USH2A: variants seen among roughly 807,000 people sequenced by gnomAD.
USH2A encodes Usher syndrome 2A (autosomal recessive, mild).
A neutral mutation model predicts 538.9 loss-of-function variants in USH2A; 443 were observed. The observed-to-expected ratio is 0.82, with a 90% confidence interval of 0.76 to 0.89. USH2A has a LOEUF of 0.89. USH2A is among the 40% of genes least tolerant of loss of function. USH2A has a pLI of 0.00. For missense variants in USH2A, 6,633 were observed against 6,324.8 expected, an observed-to-expected ratio of 1.05 and a Z score of -1.65; for synonymous variants, 2,413 against 2,273.5, an observed-to-expected ratio of 1.06 and a Z score of -1.75.
intron 38 of USH2A, among the ~76,000 whole-genome samples, chr1:215,928,622 C>G (rs926550120): frequency 6.6e-6 from 1 of 152,026 alleles, no homozygotes; most frequent in African/African-American, 2.4e-5. Flanking sequence ...CAGTTTGAGG[C>G]AAGCAAAGGT....
At chr1:215,813,031 G>A (rs1304988374) in intron 49 of USH2A, among the ~76,000 whole-genome samples, 3 of 152,170 alleles carry the variant, frequency 2.0e-5, no homozygotes, top group Non-Finnish European at 4.4e-5. Flanking sequence ...CTGGAGTTGT[G>A]AAGATTCTAT....
At chr1:216,368,456 G>A (rs1366498063) in intron 3 of USH2A, among the ~76,000 whole-genome samples, 1 of 152,120 alleles carries the variant, frequency 6.6e-6, no homozygotes, top group Non-Finnish European at 1.5e-5. Context: ...ACTCAGGCTG[G>A]GAAATAGAGA....
At chr1:215,948,443 T>TATGTAC (rs749886577) in intron 37 of USH2A, among the ~76,000 whole-genome samples, 1 of 147,172 alleles carries the variant, frequency 6.8e-6, no homozygotes, top group Non-Finnish European at 1.5e-5. Flanking sequence ...TATATATATA[T>TATGTAC]ACACACACAC....
intron 47 of USH2A, among the ~76,000 whole-genome samples, chr1:215,824,172 G>A (rs1161373903): frequency 6.6e-6 from 1 of 151,990 alleles, no homozygotes; most frequent in Non-Finnish European, 1.5e-5. Context: ...TTATTAAACA[G>A]CAACTTTAGT....
chr1:216,295,834 G>T (rs2037092466), intron 9 of USH2A, among the ~76,000 whole-genome samples: 1 of 151,714 alleles, frequency 6.6e-6, no homozygotes, highest in African/African-American at 2.4e-5. Flanking sequence ...TTTCATATTG[G>T]GACAACAAAG....
At chr1:215,695,769 T>TTTG (rs1658787709) in intron 61 of USH2A, among the ~76,000 whole-genome samples, 3 of 148,496 alleles carry the variant, frequency 2.0e-5, no homozygotes, top group East Asian at 2.0e-4. Context: ...TTGTTTGTTT[T>TTTG]TTGAGACAGA....
At chr1:215,845,051 T>C (rs957572307) in intron 45 of USH2A, among the ~76,000 whole-genome samples, 1 of 152,206 alleles carries the variant, frequency 6.6e-6, no homozygotes, top group Admixed American at 6.5e-5. Flanking sequence ...GAAAAAAATC[T>C]TGCTTAGCGT....
chr1:215,797,008 C>T (rs768731638), intron 50 of USH2A, among the ~76,000 whole-genome samples: 1 of 152,114 alleles, frequency 6.6e-6, no homozygotes, highest in South Asian at 2.1e-4. Flanking sequence ...GGCCTTCAAC[C>T]GTGGTCCAGG....
chr1:216,077,725 TTATA>T (rs1236139508), intron 27 of USH2A, among the ~76,000 whole-genome samples: 1 of 149,730 alleles, frequency 6.7e-6, no homozygotes, highest in Non-Finnish European at 1.5e-5. Context: ...GTTACCTTAT[TTATA>T]ATCAACATAT....
intron 21 of USH2A, among the ~76,000 whole-genome samples, chr1:216,129,915 C>A (rs536082243): frequency 3.9e-4 from 59 of 152,106 alleles, no homozygotes; most frequent in African/African-American, 1.4e-3. Context: ...ATATTTACAG[C>A]CAATGCAGTT....
chr1:215,962,901 T>C (rs1667237745), intron 37 of USH2A, among the ~76,000 whole-genome samples: 1 of 152,142 alleles, frequency 6.6e-6, no homozygotes, highest in African/African-American at 2.4e-5. Context: ...TTGTAAAGTT[T>C]TTAGTTCAGG....
chr1:215,955,069 AT>A (rs1463176921), intron 37 of USH2A, among the ~76,000 whole-genome samples: 1 of 152,174 alleles, frequency 6.6e-6, no homozygotes, highest in East Asian at 1.9e-4. Context: ...GCTTCTTATT[AT>A]GAAAATCTTA....
intron 47 of USH2A, among the ~76,000 whole-genome samples, chr1:215,830,754 T>C (rs1392224950): frequency 6.6e-6 from 1 of 152,200 alleles, no homozygotes; most frequent in African/African-American, 2.4e-5. Flanking sequence ...ATCAGAACTA[T>C]TACATAATTC....
rs762868170 is a variant in USH2A at position 216,084,752 on chromosome 1, T to A, written c.5113A>T (p.Ser1705Cys). The A allele has an allele frequency of 2.4e-5, 38 of 1,613,422 alleles. No individual in the cohort carries two copies. Among genetic ancestry groups the A allele is most frequent in the Non-Finnish European group, 3.1e-5 (36 of 1,179,690 alleles). ...SSEEQINVYN[S>C]WEGCPASLNE... Reference sequence around the variant, plus strand: ...AATGAAGCGGGACATCCCTCCCAGCTGTTATACACGTTGATTTGTTCTTCA... The same window carrying A: ...AATGAAGCGGGACATCCCTCCCAGCAGTTATACACGTTGATTTGTTCTTCA... The change falls in exon 25 of 72, where the codon AGC (serine) becomes TGC (cysteine). Residue 1705 changes from serine to cysteine, a missense_variant. Coordinates refer to ENST00000307340, the MANE Select transcript of USH2A (RefSeq NM_206933.4).
At chr1:215,825,675 T>G (rs910988003) in intron 47 of USH2A, among the ~76,000 whole-genome samples, 2 of 152,188 alleles carry the variant, frequency 1.3e-5, no homozygotes, top group Admixed American at 6.6e-5. Context: ...ATCGATTTGG[T>G]CATTTTTGTC....
chr1:216,069,614 C>T (rs2031491713), intron 30 of USH2A, among the ~76,000 whole-genome samples: 1 of 152,144 alleles, frequency 6.6e-6, no homozygotes, highest in South Asian at 2.1e-4. Flanking sequence ...CTTCATGGCA[C>T]ACCACACTGT....
At chr1:215,719,224 G>A (rs1198332370) in intron 61 of USH2A, among the ~76,000 whole-genome samples, 1 of 151,984 alleles carries the variant, frequency 6.6e-6, no homozygotes, top group East Asian at 1.9e-4. Flanking sequence ...GAAAGGGTAG[G>A]GTCCTAAGAG....
intron 21 of USH2A, among the ~76,000 whole-genome samples, chr1:216,128,854 C>T (rs2033310873): frequency 6.6e-6 from 1 of 152,022 alleles, no homozygotes; most frequent in Non-Finnish European, 1.5e-5. Flanking sequence ...TTCCTTCTAT[C>T]TAATTGTACT....
intron 32 of USH2A, among the ~76,000 whole-genome samples, chr1:216,005,895 T>G (rs1668379238): frequency 6.6e-6 from 1 of 152,178 alleles, no homozygotes; most frequent in Admixed American, 6.5e-5. Context: ...TTCAAATTTT[T>G]TGTGATATAT....
Sources: gnomAD v4.1 joint callset for allele counts (sites outside exome capture counted in the v4.1 genomes callset) on GRCh38, gnomAD v4.1.1 for gene constraint, MANE v1.5 for transcripts, NCBI Gene and HGNC (gene_info 2026-07-23, HGNC 2026-07-21) for gene names.